Variants in MAK16 observed in about 807,000 individuals in gnomAD.
The protein encoded by MAK16 is MAK16 homolog, also known as protein MAK16 homolog.
A neutral mutation model predicts 49.9 loss-of-function variants in MAK16; 12 were observed. The ratio of observed to expected loss-of-function variants is 0.24; its 90% CI spans 0.15 to 0.39. The LOEUF (loss-of-function observed/expected upper bound fraction) is 0.39, where lower values mean the gene tolerates loss of function less well. Among genes scored for constraint, MAK16 ranks in the 10% least tolerant of loss-of-function variants. The pLI, the probability that MAK16 is intolerant of heterozygous loss-of-function variation, is 1.00. For synonymous variants in MAK16, 115 were observed against 126.4 expected (o/e 0.91, Z 0.60); for missense variants, 292 against 363.7 (o/e 0.80, Z 1.60).
At position 33,489,247 on chromosome 8, in the gene MAK16, C is replaced by G; in HGVS notation, c.392+108C>G. On this transcript the variant is annotated intron_variant, in intron 5 of 9. Transcript: ENST00000360128. This position sits in a 1 kb window ranked among gnomAD's most constrained non-coding sequence, Gnocchi z 4.2. ...GGCTTTCTATTCAACTTTGTGGAGT[C>G]TGTTATGATGTACTAAAGAGAAACT... 1.0e-6 allele frequency: 1 copy of G among 972,896 alleles called. No homozygotes were observed. Among genetic ancestry groups the G allele is most frequent in the Non-Finnish European group, 1.5e-6 (1 of 655,888 alleles). 60.3% of individuals were successfully genotyped at this position (972,896 alleles called of 1,614,324 possible). A position where few individuals can be genotyped will look rare whatever the true frequency, so the allele number is the denominator to read the frequency against.
chr8:33,499,272 G>A lies in MAK16; in HGVS notation c.*643G>A. Reference sequence around the variant, plus strand: ...CACAGCTTTGGGGAATTTTGGCCAGGAGACCCTGAAACATGAAACCAAACA... The same window carrying A: ...CACAGCTTTGGGGAATTTTGGCCAGAAGACCCTGAAACATGAAACCAAACA... On this transcript the variant is annotated 3_prime_UTR_variant, in exon 10 of 10. Coordinates refer to ENST00000360128, the MANE Select transcript of MAK16 (RefSeq NM_032509.4). 1 of 1,613,086 alleles carries A rather than the reference G, an allele frequency of 6.2e-7. No homozygotes were observed. The highest frequency in any genetic ancestry group is 8.5e-7 in the Non-Finnish European group (1 of 1,179,350).
In MAK16 at chr8:33,496,715, A is replaced by G. The variant is rs769431591; in HGVS notation, c.613A>G (p.Lys205Glu). 11 of 1,610,230 alleles carry G rather than the reference A, an allele frequency of 6.8e-6. No homozygotes were observed. In the Admixed American group the frequency reaches 1.3e-4, roughly 20 times the overall value. Reference sequence around the variant, plus strand: ...GAGTGACTCTTCAGATACTGAGGAAAAAGATGATGATGATGATGATGAGGA... The same window carrying G: ...GAGTGACTCTTCAGATACTGAGGAAGAAGATGATGATGATGATGATGAGGA... ...AESDSSDTEE[K>E]DDDDDDEEDV... Residue 205 changes from lysine (K) to glutamate (E), a missense_variant, in exon 8 of 10, where the codon AAA (lysine) becomes GAA (glutamate). Physicochemically the swap from Lys to Glu is moderately conservative, Grantham distance 56. Coordinates refer to ENST00000360128, the MANE Select transcript of MAK16 (RefSeq NM_032509.4).
At chr8:33,493,738 T>C (rs1808813302) in intron 6 of MAK16, among the ~76,000 whole-genome samples, 1 of 152,212 alleles carries the variant, frequency 6.6e-6, no homozygotes, top group Non-Finnish European at 1.5e-5. Context: ...TTTTTTCTAT[T>C]TTCACCAATT....
chr8:33,500,081 G>T lies in MAK16; in HGVS notation c.*1452G>T. On this transcript the variant is annotated 3_prime_UTR_variant, in exon 10 of 10. Coordinates refer to ENST00000360128, the MANE Select transcript of MAK16 (RefSeq NM_032509.4). The stretch of plus-strand genomic sequence containing the variant: ...ATAATGCTTTTGCCCATACTGTCTC[G>T]TCCTTAGCCCCAGTGACATGTGCTG... 1 of 410,070 alleles carries T rather than the reference G, an allele frequency of 2.4e-6. No homozygotes were observed. The highest frequency in any genetic ancestry group is 4.5e-5 in the East Asian group (1 of 22,412). 25.4% of individuals were successfully genotyped at this position (410,070 alleles called of 1,614,324 possible). A position where few individuals can be genotyped will look rare whatever the true frequency, so the allele number is the denominator to read the frequency against.
Position 33,498,713 on chromosome 8 carries a change from A to C in MAK16, c.*84A>C. The C allele has an allele frequency of 8.4e-7, 1 of 1,191,486 alleles. No homozygotes were observed. Among genetic ancestry groups the C allele is most frequent in the Non-Finnish European group, 1.2e-6 (1 of 849,710 alleles). The allele number at this position is 1,191,486 out of a possible 1,614,324, so 73.8% of individuals were successfully genotyped here. ...TTATCTTAAACACATACACACCTCC[A>C]GTTTTTGCTCTTTTGTGTTGTACTG... On this transcript the variant is annotated 3_prime_UTR_variant, in exon 10 of 10. Coordinates refer to ENST00000360128, the MANE Select transcript of MAK16 (RefSeq NM_032509.4).
At chr8:33,486,532 A>G (rs1808690404) in intron 1 of MAK16, among the ~76,000 whole-genome samples, 1 of 152,248 alleles carries the variant, frequency 6.6e-6, no homozygotes, top group Non-Finnish European at 1.5e-5. Context: ...AGCCTGGGTG[A>G]CAGAGAGACC....
intron 9 of MAK16, among the ~76,000 whole-genome samples, chr8:33,497,827 G>A (rs1808900876): frequency 6.6e-6 from 1 of 151,722 alleles, no homozygotes; most frequent in African/African-American, 2.4e-5. Context: ...CAGGCGTGGT[G>A]GCTCACGCCT....
At chr8:33,487,622 C>A (rs1808708698) in intron 1 of MAK16, among the ~76,000 whole-genome samples, 2 of 152,152 alleles carry the variant, frequency 1.3e-5, no homozygotes, top group South Asian at 4.1e-4. Flanking sequence ...GGGGTTTCAC[C>A]ATGTTGGCCA....
intron 9 of MAK16, 98 bp from the exon 10 acceptor site, chr8:33,498,334 C>A: frequency 6.8e-6 from 6 of 882,412 alleles, no homozygotes; most frequent in Non-Finnish European, 1.0e-5. Flanking sequence ...ATAGACAAAT[C>A]AATGCCCTAG....
Position 33,488,767 on chromosome 8 carries a change from G to A in MAK16, c.209G>A (p.Arg70Gln), listed in dbSNP as rs752472814. The change falls in exon 4 of 10, where the codon CGA becomes CAA. Residue 70 changes from arginine (R) to glutamine (Q), a missense_variant. By Grantham distance (43) the Arg-to-Gln change is conservative (BLOSUM62 1). Coordinates refer to ENST00000360128, the MANE Select transcript of MAK16 (RefSeq NM_032509.4). ...TACTTGTATATGAAGGTTATAGAAC[G>A]AGCGGCTTTTCCTCGGCGTCTCTGG... ...QCYLYMKVIE[R>Q]AAFPRRLWER... 6 of 1,614,010 alleles carry A rather than the reference G, an allele frequency of 3.7e-6. No homozygotes were observed. The highest frequency in any genetic ancestry group is 3.3e-5 in the South Asian group (3 of 91,078).
Position 33,489,107 on chromosome 8 carries a change from A to C in MAK16, c.360A>C (p.Leu120=). The C allele has an allele frequency of 6.2e-7, 1 of 1,613,402 alleles. No individual in the cohort carries two copies. The change falls in exon 5 of 10, where the codon CTA becomes CTC. Residue 120 remains leucine, a synonymous_variant. Transcript: ENST00000360128. This position sits in a 1 kb window ranked among gnomAD's most constrained non-coding sequence, Gnocchi z 4.2. ...GATTCACCAAGATCACCCAATACCT[A>C]ATTCGAATTAGAAAACTTACACTAA... ...KQRFTKITQY[L]IRIRKLTLKR...
At chr8:33,487,577 C>T (rs1022719471) in intron 1 of MAK16, among the ~76,000 whole-genome samples, 1 of 151,922 alleles carries the variant, frequency 6.6e-6, no homozygotes, top group African/African-American at 2.4e-5. Flanking sequence ...AGGCACCTGC[C>T]ACCACACCTG....
In MAK16 at chr8:33,489,269, A is replaced by G. The variant is rs1808740516; in HGVS notation, c.392+130A>G. The stretch of plus-strand genomic sequence containing the variant: ...AGTCTGTTATGATGTACTAAAGAGA[A>G]ACTTTAGCTTTGACTAAAGGTGTGC... On this transcript the variant is annotated intron_variant, in intron 5 of 9. Coordinates refer to ENST00000360128, the MANE Select transcript of MAK16 (RefSeq NM_032509.4). The surrounding 1 kb of genome is among the most constrained non-coding windows in gnomAD (Gnocchi z 4.2). The G allele has an allele frequency of 5.2e-6, 4 of 775,226 alleles. No homozygotes were observed. The South Asian group carries it at 7.6e-5, about 15-fold the overall frequency. 48.0% of individuals were successfully genotyped at this position (775,226 alleles called of 1,614,324 possible).
chr8:33,494,419 T>C (rs1219411496), intron 6 of MAK16, among the ~76,000 whole-genome samples: 1 of 152,218 alleles, frequency 6.6e-6, no homozygotes, highest in East Asian at 1.9e-4. Context: ...ATAACCAGCA[T>C]ACTTTTATAA....
At chr8:33,488,956 T>G in intron 4 of MAK16, 32 bp from the exon 5 acceptor site, 1 of 1,613,968 alleles carries the variant, frequency 6.2e-7, no homozygotes, top group Non-Finnish European at 8.5e-7. Context: ...CATTTACACT[T>G]GCCCTTCAAA....
chr8:33,495,199 C>T (rs529926831), intron 6 of MAK16, among the ~76,000 whole-genome samples: 1 of 152,282 alleles, frequency 6.6e-6, no homozygotes, highest in African/African-American at 2.4e-5. Flanking sequence ...GTTCTCTTTT[C>T]TCAGCTTTTA....
In MAK16 at chr8:33,499,867, A is replaced by G. The variant is rs2128826357; in HGVS notation, c.*1238A>G. On this transcript the variant is annotated 3_prime_UTR_variant, in exon 10 of 10. Coordinates refer to ENST00000360128, the MANE Select transcript of MAK16 (RefSeq NM_032509.4). ...TGTGGAATATGAAACCAAAGGAAGAATTTCCATGTAGATAAATTAAGAATA... is the reference window on the plus strand; with the variant it reads ...TGTGGAATATGAAACCAAAGGAAGAGTTTCCATGTAGATAAATTAAGAATA... 6.4e-6 allele frequency: 1 copy of G among 157,480 alleles called. No homozygotes were observed. Among genetic ancestry groups the G allele is most frequent in the African/African-American group, 2.4e-5 (1 of 41,598 alleles). 9.8% of individuals were successfully genotyped at this position (157,480 alleles called of 1,614,324 possible). A position where few individuals can be genotyped will look rare whatever the true frequency, so the allele number is the denominator to read the frequency against.
At position 33,489,184 on chromosome 8, in the gene MAK16, G is replaced by A. The variant is rs377107274; in HGVS notation, c.392+45G>A. 204 of 1,555,334 alleles carry A rather than the reference G, an allele frequency of 1.3e-4. 1 individual carries two copies. The African/African-American group carries it at 2.4e-3, about 19-fold the overall frequency. The stretch of plus-strand genomic sequence containing the variant: ...ATTATTTTTAAATCTCTCTTTTTAT[G>A]GAGCTTGTTTTGAAGTTGAGAAATT... On this transcript the variant is annotated intron_variant, in intron 5 of 9. Coordinates refer to ENST00000360128, the MANE Select transcript of MAK16 (RefSeq NM_032509.4). The surrounding 1 kb of genome is among the most constrained non-coding windows in gnomAD (Gnocchi z 4.2).
In MAK16 at chr8:33,496,653, A is replaced by G. The variant is rs751705274; in HGVS notation, c.551A>G (p.His184Arg). 1.2e-6 allele frequency: 2 copies of G among 1,613,562 alleles called. No individual in the cohort carries two copies. Among genetic ancestry groups the G allele is most frequent in the Non-Finnish European group, 1.7e-6 (2 of 1,179,744 alleles). Residue 184 changes from histidine to arginine, a missense_variant, in exon 8 of 10, where the codon CAT becomes CGT. Physicochemically the swap from His to Arg is conservative, Grantham distance 29 (BLOSUM62 0). Coordinates refer to ENST00000360128, the MANE Select transcript of MAK16 (RefSeq NM_032509.4). ...GGCGACATCTACAACTTCCCCATTC[A>G]TGCCTTCGACAAAGCCCTGGAACAA... The part of the protein sequence containing the change: ...TYGDIYNFPI[H>R]AFDKALEQQE...
Sources: gnomAD v4.1 joint callset for allele counts (sites outside exome capture counted in the v4.1 genomes callset) on GRCh38, gnomAD v4.1.1 for gene constraint, Gnocchi (gnomAD v3.1) non-coding constraint, MANE v1.5 for transcripts, NCBI Gene and HGNC (gene_info 2026-07-23, HGNC 2026-07-21) for gene names.